The following FSTL4 variants were observed in gnomAD, a reference collection of about 807,000 sequenced individuals.
The protein encoded by FSTL4 is follistatin-related protein 4.
In FSTL4, 28 loss-of-function variants were observed where a neutral mutation model predicts 78.2. The observed-to-expected ratio is 0.36, with a 90% confidence interval of 0.27 to 0.49. The LOEUF (loss-of-function observed/expected upper bound fraction) is 0.49, where lower values mean the gene tolerates loss of function less well. Ranked by LOEUF, FSTL4 falls within the 20% of genes least tolerant of loss-of-function variation. FSTL4 has a pLI of 0.98. For missense variants in FSTL4, 922 were observed against 1,084.9 expected (o/e 0.85, Z 2.11); for synonymous variants, 422 against 440.5 (o/e 0.96, Z 0.53).
chr5:133,354,956 A>G (rs949518378), intron 4 of FSTL4, among the ~76,000 whole-genome samples: 1 of 152,200 alleles, frequency 6.6e-6, no homozygotes, highest in Non-Finnish European at 1.5e-5. Flanking sequence ...TGTCATGCTG[A>G]TGGTGGGCTC....
At chr5:133,655,646 C>T in the FSTL4 span, among the ~76,000 whole-genome samples, 28 of 151,612 alleles carry the variant, frequency 1.8e-4, no homozygotes, top group Admixed American at 1.1e-3. Flanking sequence ...TGAAGGGAAA[C>T]GGAAAACATA....
At chr5:133,769,239 A>G in the FSTL4 span, among the ~76,000 whole-genome samples, 1 of 152,226 alleles carries the variant, frequency 6.6e-6, no homozygotes, top group Non-Finnish European at 1.5e-5. Context: ...CCAGAAAGCC[A>G]TCATGCCTGC....
intron 4 of FSTL4, among the ~76,000 whole-genome samples, chr5:133,399,880 T>A (rs1415910436): frequency 6.6e-6 from 1 of 152,256 alleles, no homozygotes; most frequent in Admixed American, 6.5e-5. Flanking sequence ...TCCTAATTCA[T>A]GTATACCCAT....
chr5:133,476,160 G>A (rs528011017), intron 3 of FSTL4, among the ~76,000 whole-genome samples: 3 of 152,258 alleles, frequency 2.0e-5, no homozygotes, highest in East Asian at 1.9e-4. Flanking sequence ...CATCACTCCC[G>A]GATAAGAGGC....
intron 3 of FSTL4, among the ~76,000 whole-genome samples, chr5:133,520,270 T>C (rs1331259360): frequency 2.6e-5 from 4 of 152,244 alleles, no homozygotes; most frequent in East Asian, 3.9e-4. Flanking sequence ...CAGTGAGCAG[T>C]AGAGACGGCC....
At chr5:133,464,344 T>C (rs1757657314) in intron 3 of FSTL4, among the ~76,000 whole-genome samples, 1 of 152,160 alleles carries the variant, frequency 6.6e-6, no homozygotes, top group South Asian at 2.1e-4. Context: ...GCTGAGTCCA[T>C]ATGCAGGTTT....
the FSTL4 span, among the ~76,000 whole-genome samples, chr5:133,750,945 C>A: frequency 6.6e-6 from 1 of 152,136 alleles, no homozygotes; most frequent in East Asian, 1.9e-4. Context: ...GCCTCCCCCA[C>A]CCAGTACTCC....
At chr5:133,721,760 C>T in the FSTL4 span, among the ~76,000 whole-genome samples, 1 of 152,098 alleles carries the variant, frequency 6.6e-6, no homozygotes, top group East Asian at 1.9e-4. Context: ...TGGAGAGGAC[C>T]TCTTTGGGCT....
chr5:133,438,621 G>A (rs1044084777), intron 3 of FSTL4, among the ~76,000 whole-genome samples: 3 of 152,228 alleles, frequency 2.0e-5, no homozygotes, highest in South Asian at 2.1e-4. Flanking sequence ...AGTGTGGGAC[G>A]AGTGAGGAAC....
At chr5:133,498,024 G>A (rs1580747313) in intron 3 of FSTL4, among the ~76,000 whole-genome samples, 1 of 152,164 alleles carries the variant, frequency 6.6e-6, no homozygotes, top group East Asian at 1.9e-4. Context: ...CTACACACTG[G>A]TGGCACTGAG....
At position 133,352,311 on chromosome 5, in the gene FSTL4, T is replaced by C. The variant is rs542808537; in HGVS notation, c.410-35659A>G. ...ATATATATACACACACATATATATA[T>C]ACACACATATATATACACACATATA... On this transcript the variant is annotated intron_variant, in intron 4 of 15. Coordinates refer to ENST00000265342, the MANE Select transcript of FSTL4 (RefSeq NM_015082.2). Among the ~76,000 whole-genome samples the C allele has an allele frequency of 6.4e-3, 636 of 98,824 alleles. 10 individuals are homozygous for C. Among genetic ancestry groups the C allele is most frequent in the Middle Eastern group, 0.025 (6 of 240 alleles). The allele number at this position is 98,824 out of a possible 152,430, so 64.8% of individuals were successfully genotyped here.
At chr5:133,273,436 T>C (rs60582364) in intron 6 of FSTL4, among the ~76,000 whole-genome samples, 6,272 of 152,136 alleles carry the variant, frequency 0.041, 463 homozygotes, top group African/African-American at 0.14. Context: ...AGCTCTAGAG[T>C]CCTCCAGCCT....
intron 3 of FSTL4, among the ~76,000 whole-genome samples, chr5:133,443,661 C>G (rs1203517454): frequency 2.6e-5 from 4 of 152,226 alleles, no homozygotes; most frequent in South Asian, 4.1e-4. Context: ...GCCAGCCTGT[C>G]TGTGGGTTCA....
chr5:133,526,016 A>G (rs911898121), intron 3 of FSTL4, among the ~76,000 whole-genome samples: 2 of 152,040 alleles, frequency 1.3e-5, no homozygotes, highest in Non-Finnish European at 2.9e-5. Flanking sequence ...TATTCTCTCA[A>G]CTGTCTACTG....
At chr5:133,492,604 T>G (rs1330944308) in intron 3 of FSTL4, among the ~76,000 whole-genome samples, 1 of 152,220 alleles carries the variant, frequency 6.6e-6, no homozygotes, top group East Asian at 1.9e-4. Context: ...GAATCTTTTT[T>G]TCTTCTTTGG....
At chr5:133,703,257 A>G in the FSTL4 span, among the ~76,000 whole-genome samples, 1 of 152,178 alleles carries the variant, frequency 6.6e-6, no homozygotes, top group Non-Finnish European at 1.5e-5. Context: ...CTCAAATTCC[A>G]ATCTCGCTGT....
chr5:133,799,007 G>A, the FSTL4 span, among the ~76,000 whole-genome samples: 10 of 98,612 alleles, frequency 1.0e-4, 1 homozygote, highest in African/African-American at 3.9e-4. Flanking sequence ...GGAGAGAGAG[G>A]GGAAGGGAAG....
intron 8 of FSTL4, among the ~76,000 whole-genome samples, chr5:133,232,734 G>A (rs1286942322): frequency 6.6e-6 from 1 of 152,156 alleles, no homozygotes; most frequent in African/African-American, 2.4e-5. Context: ...TCCATGAACT[G>A]GATTAAGATA....
At chr5:133,277,474 G>A (rs543791589) in intron 6 of FSTL4, among the ~76,000 whole-genome samples, 1 of 152,286 alleles carries the variant, frequency 6.6e-6, no homozygotes, top group East Asian at 1.9e-4. Context: ...GCTTCATTGA[G>A]CTGTGCACTT....
Sources: gnomAD v4.1 joint callset for allele counts (sites outside exome capture counted in the v4.1 genomes callset) on GRCh38, gnomAD v4.1.1 for gene constraint, MANE v1.5 for transcripts, NCBI Gene and HGNC (gene_info 2026-07-23, HGNC 2026-07-21) for gene names.